Variants in POGLUT2 observed in about 807,000 individuals in gnomAD.
The protein encoded by POGLUT2 is ER protein 58.
A neutral mutation model predicts 57.6 loss-of-function variants in POGLUT2; 47 were observed. The observed-to-expected ratio is 0.82, with a 90% CI of 0.65 to 1.04. The LOEUF is 1.04. Among genes scored for constraint, POGLUT2 ranks in the 50% least tolerant of loss-of-function variants. The probability of loss-of-function intolerance (pLI) is 0.00; values close to 1 mark genes in which losing one functional copy is unlikely to be tolerated. For synonymous variants in POGLUT2, 200 were observed against 218.8 expected, an observed-to-expected ratio of 0.91 and a Z score of 0.76; for missense variants, 565 against 614.8, an observed-to-expected ratio of 0.92 and a Z score of 0.86.
intron 4 of POGLUT2, among the ~76,000 whole-genome samples, chr13:102,792,440 A>T (rs1878216722): frequency 6.6e-6 from 1 of 152,218 alleles, no homozygotes; most frequent in African/African-American, 2.4e-5. Context: ...TAATTTTATG[A>T]TAAGGCATTT....
intron 4 of POGLUT2, chr13:102,791,989 C>A (rs1878198366): frequency 1.6e-6 from 2 of 1,289,452 alleles, no homozygotes; most frequent in East Asian, 1.1e-4. Context: ...CAGAAAAGCA[C>A]TGACCAGTCT....
Position 102,794,732 on chromosome 13 carries a change from TTA to T in POGLUT2, c.389-928_389-927del, listed in dbSNP as rs367571315. On this transcript the variant is annotated intron_variant, in intron 2 of 9. Coordinates refer to ENST00000376004, the MANE Select transcript of POGLUT2 (RefSeq NM_024089.3). ...TGGTAATATTACAGCTCATTATTCC[TTA>T]TGTTTTGCAGACTGAAGAATAACCA... Among the ~76,000 whole-genome samples, 6 of 152,304 alleles carry T rather than the reference TTA, an allele frequency of 3.9e-5. No individual in the cohort carries two copies. The East Asian group carries it at 9.6e-4, about 24-fold the overall frequency.
At position 102,786,318 on chromosome 13, in the gene POGLUT2, TC is replaced by T. The variant is rs1217337480; in HGVS notation, c.1404del (p.Ser469ValfsTer9). ...ATGCCCTCTCGGATTTGGGGCTCAC[TC>T]ACTTGTAAATTGGCATATTCCTGTT... is the stretch of plus-strand genomic sequence containing the variant. ...KLFQEYANLQ[V>X]SEPQIREGMK... On this transcript the variant is annotated frameshift_variant, in exon 9 of 10. Coordinates refer to ENST00000376004, the MANE Select transcript of POGLUT2 (RefSeq NM_024089.3). LOFTEE classifies it high-confidence loss of function. The T allele has an allele frequency of 6.2e-7, 1 of 1,613,340 alleles. No individual in the cohort carries two copies. Among genetic ancestry groups the T allele is most frequent in the African/African-American group, 1.3e-5 (1 of 75,042 alleles).
intron 3 of POGLUT2, 57 bp from the exon 4 acceptor site, chr13:102,793,475 G>A: frequency 7.5e-7 from 1 of 1,336,412 alleles, no homozygotes; most frequent in Non-Finnish European, 1.1e-6. Flanking sequence ...AGACTTCACT[G>A]AGGAAAAGCT....
intron 6 of POGLUT2, among the ~76,000 whole-genome samples, 155 bp from the exon 7 acceptor site, chr13:102,789,376 C>T (rs763166167): frequency 1.3e-4 from 20 of 152,194 alleles, no homozygotes; most frequent in Non-Finnish European, 2.2e-4. Flanking sequence ...TGTTATTAAA[C>T]AACAGGTTGA....
Position 102,797,017 on chromosome 13 carries a change from G to A in POGLUT2, c.183-8C>T. The A allele has an allele frequency of 6.2e-7, 1 of 1,604,658 alleles. No homozygotes were observed. Among genetic ancestry groups the A allele is most frequent in the Non-Finnish European group, 8.5e-7 (1 of 1,172,832 alleles). On this transcript the variant is annotated splice_region_variant and splice_polypyrimidine_tract_variant and intron_variant, in intron 1 of 9. Coordinates refer to ENST00000376004, the MANE Select transcript of POGLUT2 (RefSeq NM_024089.3). Reference sequence around the variant, plus strand: ...CCTGGAGAAGATGTGAATCTGTGATGAAAAGGCAATGGGGGAGATAAACAG... The same window carrying A: ...CCTGGAGAAGATGTGAATCTGTGATAAAAAGGCAATGGGGGAGATAAACAG...
Position 102,786,684 on chromosome 13 carries a change from A to T in POGLUT2, c.1384-345T>A, listed in dbSNP as rs76894739. On this transcript the variant is annotated intron_variant, in intron 8 of 9. Transcript: ENST00000376004. The stretch of plus-strand genomic sequence containing the variant: ...AGACAGAGACTATTCTGCTTTCCTT[A>T]TCATGGCTTGCACAAGCCTCCATCA... Among the ~76,000 whole-genome samples, 752 of 152,142 alleles carry T rather than the reference A, an allele frequency of 4.9e-3. 7 individuals are homozygous for T. The highest frequency in any genetic ancestry group is 0.017 in the African/African-American group (703 of 41,484).
chr13:102,788,975 A>G, intron 7 of POGLUT2, 37 bp downstream of exon 7: 4 of 1,513,990 alleles, frequency 2.6e-6, no homozygotes, highest in Non-Finnish European at 3.7e-6. Context: ...ATATTGGGAA[A>G]CAAGTGGAAA....
intron 8 of POGLUT2, 147 bp downstream of exon 8, chr13:102,787,687 A>G (rs2139082955): frequency 2.3e-6 from 1 of 443,496 alleles, no homozygotes; most frequent in East Asian, 3.3e-5. Context: ...TTTTATGATT[A>G]CTTAATATTT....
intron 6 of POGLUT2, 62 bp downstream of exon 6, chr13:102,790,839 C>A: frequency 4.4e-6 from 5 of 1,142,692 alleles, no homozygotes; most frequent in East Asian, 2.4e-5. Flanking sequence ...TTTCCCTTCC[C>A]AAAGCACTAT....
In POGLUT2 at chr13:102,793,859, G is replaced by A. The variant is rs187371310; in HGVS notation, c.389-53C>T. ...ACAGTGATCATTTCACTCAGCATTC[G>A]AAACTTGTAATAAACATCTATAATG... On this transcript the variant is annotated intron_variant, in intron 2 of 9. Coordinates refer to ENST00000376004, the MANE Select transcript of POGLUT2 (RefSeq NM_024089.3). 8.8e-4 allele frequency: 1,301 copies of A among 1,474,900 alleles called. 30 individuals carry two copies. The Admixed American group carries it at 0.021, about 24-fold the overall frequency. The allele number at this position is 1,474,900 out of a possible 1,614,324, so 91.4% of individuals were successfully genotyped here.
chr13:102,792,053 A>C (rs1878202544), intron 4 of POGLUT2: 1 of 1,289,288 alleles, frequency 7.8e-7, no homozygotes, highest in Non-Finnish European at 1.0e-6. Context: ...TTTCCCATGG[A>C]TTGACAAAGA....
At chr13:102,796,720 ATC>A in intron 2 of POGLUT2, 82 bp downstream of exon 2, 8 of 400,970 alleles carry the variant, frequency 2.0e-5, no homozygotes, top group Admixed American at 7.3e-5. Context: ...ATATATATAT[ATC>A]ATGCCAAGTT....
chr13:102,788,789 C>A (rs1164625959), intron 7 of POGLUT2, among the ~76,000 whole-genome samples: 1 of 152,182 alleles, frequency 6.6e-6, no homozygotes, highest in Non-Finnish European at 1.5e-5. Flanking sequence ...CCCAGCCTAG[C>A]TTTTTGTTTC....
At chr13:102,795,401 A>AAAAATAC (rs1474577843) in intron 2 of POGLUT2, among the ~76,000 whole-genome samples, 1 of 152,074 alleles carries the variant, frequency 6.6e-6, no homozygotes. Context: ...TGTTTCTACA[A>AAAAATAC]AAAATACAAA....
intron 1 of POGLUT2, among the ~76,000 whole-genome samples, chr13:102,798,282 A>T (rs74109608): frequency 0.04 from 6,146 of 152,300 alleles, 380 homozygotes; most frequent in African/African-American, 0.14. Context: ...AATTGCTAGG[A>T]GATTATTTTA....
intron 1 of POGLUT2, 111 bp downstream of exon 1, chr13:102,798,378 C>A (rs1057399707): frequency 1.2e-5 from 12 of 978,710 alleles, no homozygotes; most frequent in Non-Finnish European, 3.0e-6. Flanking sequence ...AACCAAATAT[C>A]CTGGAATATA....
chr13:102,798,259 GAATCTGAATC>G (rs1336550647), intron 1 of POGLUT2, among the ~76,000 whole-genome samples: 24 of 152,058 alleles, frequency 1.6e-4, no homozygotes, highest in African/African-American at 5.8e-4. Flanking sequence ...GATAATGTGG[GAATCTGAATC>G]AAAATTGCTA....
At chr13:102,788,180 C>A (rs186592564) in intron 7 of POGLUT2, among the ~76,000 whole-genome samples, 79 of 152,366 alleles carry the variant, frequency 5.2e-4, no homozygotes, top group South Asian at 1.7e-3. Flanking sequence ...CAAGGTTGTA[C>A]ACCAAGCAAA....
Sources: gnomAD v4.1 joint callset for allele counts (sites outside exome capture counted in the v4.1 genomes callset) on GRCh38, gnomAD v4.1.1 for gene constraint, MANE v1.5 for transcripts, NCBI Gene and HGNC (gene_info 2026-07-23, HGNC 2026-07-21) for gene names.